The following GAMT variants were observed in gnomAD, a reference collection of about 807,000 sequenced individuals.
The protein encoded by GAMT is epididymis secretory protein Li 20.
In GAMT, 26 loss-of-function variants were observed where a neutral mutation model predicts 26.9. The observed-to-expected ratio is 0.97, with a 90% CI of 0.71 to 1.34. The LOEUF (loss-of-function observed/expected upper bound fraction) is 1.34, where lower values mean the gene tolerates loss of function less well. Among genes scored for constraint, GAMT ranks in the 40% most tolerant of loss-of-function variants. The pLI is 0.00. For missense variants in GAMT, 412 were observed against 345.0 expected, an observed-to-expected ratio of 1.19 and a Z score of -1.54; for synonymous variants, 169 against 149.6, an observed-to-expected ratio of 1.13 and a Z score of -0.95.
intron 1 of GAMT, among the ~76,000 whole-genome samples, chr19:1,401,053 G>A (rs926797279): frequency 6.6e-6 from 1 of 152,204 alleles, no homozygotes; most frequent in Non-Finnish European, 1.5e-5. Flanking sequence ...GGAGAGCGGG[G>A]GGCCTCACTC....
intron 1 of GAMT, among the ~76,000 whole-genome samples, chr19:1,400,746 A>C (rs1369137281): frequency 6.6e-6 from 1 of 152,126 alleles, no homozygotes; most frequent in Non-Finnish European, 1.5e-5. Flanking sequence ...GCCCATTTTC[A>C]GGGTGGGAAC....
Position 1,399,895 on chromosome 19 carries a change from C to T in GAMT, c.225G>A (p.Ala75=), listed in dbSNP as rs202151546. ...LEVGFGMAIA[A]SKVQEAPIDE... ...CAATGGGCGCCTCCTGCACCTTTGA[C>T]GCTGCGATGGCCATGCCAAAGCCCA... The change falls in exon 2 of 6, where the codon GCG becomes GCA. Residue 75 remains alanine, a synonymous_variant. Transcript: ENST00000252288. The surrounding 1 kb of genome is among the most constrained non-coding windows in gnomAD (Gnocchi z 6.2). The T allele has an allele frequency of 1.2e-4, 194 of 1,608,586 alleles. No individual in the cohort carries two copies. In the East Asian group the frequency reaches 3.2e-3, roughly 26 times the overall value.
chr19:1,398,742 C>G, intron 5 of GAMT, 174 bp downstream of exon 5: 1 of 1,546,136 alleles, frequency 6.5e-7, no homozygotes, highest in Non-Finnish European at 8.7e-7. Flanking sequence ...CTGCTCCTGG[C>G]AGCCACTGCG....
At chr19:1,400,237 G>C (rs1311328969) in intron 1 of GAMT, among the ~76,000 whole-genome samples, 2 of 148,536 alleles carry the variant, frequency 1.3e-5, no homozygotes, top group Non-Finnish European at 3.0e-5. Context: ...AGGGGGTGCA[G>C]AGCAGGGCTG....
Position 1,401,531 on chromosome 19 carries a change from C to A in GAMT, c.-55G>T, listed in dbSNP as rs867903705. The A allele has an allele frequency of 8.3e-7, 1 of 1,199,558 alleles. No homozygotes were observed. The highest frequency in any genetic ancestry group is 1.6e-5 in the African/African-American group (1 of 63,140). The allele number at this position is 1,199,558 out of a possible 1,614,324, so 74.3% of individuals were successfully genotyped here. A position where few individuals can be genotyped will look rare whatever the true frequency, so the allele number is the denominator to read the frequency against. On this transcript the variant is annotated 5_prime_UTR_variant, in exon 1 of 6. It adds an upstream start codon to the 5' untranslated region. Transcript: ENST00000252288. ...ATCGCGCGCCGCCCGGGCCCGCTCC[C>A]TGCAGGGGCTTGTGGGCCGGGGGCG...
At position 1,401,532 on chromosome 19, in the gene GAMT, T is replaced by G. The variant is rs1475556222; in HGVS notation, c.-56A>C. The G allele has an allele frequency of 1.7e-6, 2 of 1,184,626 alleles. No homozygotes were observed. The highest frequency in any genetic ancestry group is 3.4e-5 in the South Asian group (1 of 29,370). 73.4% of individuals were successfully genotyped at this position (1,184,626 alleles called of 1,614,324 possible). The stretch of plus-strand genomic sequence containing the variant: ...TCGCGCGCCGCCCGGGCCCGCTCCC[T>G]GCAGGGGCTTGTGGGCCGGGGGCGG... On this transcript the variant is annotated 5_prime_UTR_variant, in exon 1 of 6. Coordinates refer to ENST00000252288, the MANE Select transcript of GAMT (RefSeq NM_000156.6).
rs2144636180 is a variant in GAMT at position 1,398,943 on chromosome 19, C to T, written c.543G>A (p.Lys181=). The change falls in exon 5 of 6, where the codon AAG becomes AAA. Residue 181 remains lysine, a synonymous_variant. Transcript: ENST00000252288. ...LTSWGELMKS[K]YSDITIMFEE... Reference sequence around the variant, plus strand: ...CAAACATGATGGTGATGTCTGAGTACTTGGACTTCATCAGCTCCCCCCAGG... The same window carrying T: ...CAAACATGATGGTGATGTCTGAGTATTTGGACTTCATCAGCTCCCCCCAGG... 2 of 1,613,422 alleles carry T rather than the reference C, an allele frequency of 1.2e-6. No individual in the cohort carries two copies. Among genetic ancestry groups the T allele is most frequent in the South Asian group, 1.1e-5 (1 of 91,090 alleles).
chr19:1,400,867 C>T (rs3786974), intron 1 of GAMT, among the ~76,000 whole-genome samples: 19,527 of 152,214 alleles, frequency 0.13, 2,377 homozygotes, highest in African/African-American at 0.29. Context: ...ACAGCTGTCT[C>T]CCTGAGCTCA....
intron 5 of GAMT, chr19:1,398,280 T>G (rs2082611897): frequency 5.5e-6 from 1 of 181,326 alleles, no homozygotes; most frequent in South Asian, 1.6e-4. Flanking sequence ...GTATTTTTAG[T>G]AGAGATGGGA....
Position 1,399,732 on chromosome 19 carries a change from G to A in GAMT, c.327+61C>T. 3 of 1,532,976 alleles carry A rather than the reference G, an allele frequency of 2.0e-6. No individual in the cohort carries two copies. The highest frequency in any genetic ancestry group is 2.6e-6 in the Non-Finnish European group (3 of 1,140,082). 95.0% of individuals were successfully genotyped at this position (1,532,976 alleles called of 1,614,324 possible). A position where few individuals can be genotyped will look rare whatever the true frequency, so the allele number is the denominator to read the frequency against. On this transcript the variant is annotated intron_variant, in intron 2 of 5. Coordinates refer to ENST00000252288, the MANE Select transcript of GAMT (RefSeq NM_000156.6). This position sits in a 1 kb window ranked among gnomAD's most constrained non-coding sequence, Gnocchi z 6.2. Reference sequence around the variant, plus strand: ...GACAGCCCCAGGCCCCCAACCCCCAGGAAGCAGTGCCCTCACCCCAAGGAG... The same window carrying A: ...GACAGCCCCAGGCCCCCAACCCCCAAGAAGCAGTGCCCTCACCCCAAGGAG...
rs920116948 is a variant in GAMT at position 1,399,314 on chromosome 19, G to A, written c.392-119C>T. ...GAGACGGGGCCGTGGGTAGAGGTGG[G>A]GCTCCCACACAGGCTTGAGAACCCC... On this transcript the variant is annotated intron_variant, in intron 3 of 5. Coordinates refer to ENST00000252288, the MANE Select transcript of GAMT (RefSeq NM_000156.6). The surrounding 1 kb of genome is among the most constrained non-coding windows in gnomAD (Gnocchi z 6.2). 18 of 1,219,502 alleles carry A rather than the reference G, an allele frequency of 1.5e-5. No homozygotes were observed. In the Admixed American group the frequency reaches 1.8e-4, roughly 12 times the overall value. 75.5% of individuals were successfully genotyped at this position (1,219,502 alleles called of 1,614,324 possible).
chr19:1,397,638 C>A, intron 5 of GAMT, 139 bp from the exon 6 acceptor site: 1 of 1,436,702 alleles, frequency 7.0e-7, no homozygotes, highest in Non-Finnish European at 9.4e-7. Context: ...CGTGGCAGGG[C>A]AGCCCTGGAA....
At chr19:1,401,114 C>G (rs978700388) in intron 1 of GAMT, among the ~76,000 whole-genome samples, 182 bp downstream of exon 1, 2 of 152,242 alleles carry the variant, frequency 1.3e-5, no homozygotes, top group African/African-American at 4.8e-5. Context: ...CGTGTGCGGG[C>G]CCCACGCCTG....
chr19:1,398,369 A>G (rs2082612529), intron 5 of GAMT: 1 of 248,610 alleles, frequency 4.0e-6, no homozygotes, highest in Non-Finnish European at 7.7e-6. Flanking sequence ...AAGTGCCGGG[A>G]TCACAGGTGT....
rs556455640 is a variant in GAMT, at chr19:1,398,663, T to C, written c.570+253A>G. 41 of 1,331,856 alleles carry C rather than the reference T, an allele frequency of 3.1e-5. No individual in the cohort carries two copies. In the African/African-American group the frequency reaches 5.8e-4, roughly 19 times the overall value. The allele number at this position is 1,331,856 out of a possible 1,614,324, so 82.5% of individuals were successfully genotyped here. On this transcript the variant is annotated intron_variant, in intron 5 of 5. Coordinates refer to ENST00000252288, the MANE Select transcript of GAMT (RefSeq NM_000156.6). ...CTTGCTCTGTAGCCCAGGCTGGTCT[T>C]GAACTCCTAGGCTCAAGCAATCTGC... is the stretch of plus-strand genomic sequence containing the variant.
At chr19:1,397,525 C>T (rs761097952) in intron 5 of GAMT, 26 bp from the exon 6 acceptor site, 1 of 1,599,766 alleles carries the variant, frequency 6.3e-7, no homozygotes, top group South Asian at 1.1e-5. Context: ...ACCAGGTCAC[C>T]TCTGAGGGCC....
At chr19:1,401,261 G>T in intron 1 of GAMT, 35 bp downstream of exon 1, 1 of 1,399,152 alleles carries the variant, frequency 7.1e-7, no homozygotes, top group African/African-American at 1.5e-5. Context: ...TTTCCCCTGC[G>T]CCCCCGGGGG....
At chr19:1,398,829 A>C in intron 5 of GAMT, 87 bp downstream of exon 5, 1 of 1,576,208 alleles carries the variant, frequency 6.3e-7, no homozygotes, top group Non-Finnish European at 8.6e-7. Flanking sequence ...GACCCTCCCC[A>C]GGTAGCAAGG....
Position 1,401,527 on chromosome 19 carries a change from C to T in GAMT, c.-51G>A. On this transcript the variant is annotated 5_prime_UTR_variant, in exon 1 of 6. Coordinates refer to ENST00000252288, the MANE Select transcript of GAMT (RefSeq NM_000156.6). ...CTCGATCGCGCGCCGCCCGGGCCCG[C>T]TCCCTGCAGGGGCTTGTGGGCCGGG... 8.0e-7 allele frequency: 1 copy of T among 1,250,320 alleles called. No homozygotes were observed. Among genetic ancestry groups the T allele is most frequent in the African/African-American group, 1.6e-5 (1 of 63,742 alleles). The allele number at this position is 1,250,320 out of a possible 1,614,324, so 77.5% of individuals were successfully genotyped here.
Sources: allele counts gnomAD v4.1 joint callset (sites outside exome capture counted in the v4.1 genomes callset), GRCh38; gene constraint gnomAD v4.1.1; non-coding constraint Gnocchi (gnomAD v3.1); transcripts MANE v1.5; gene names NCBI Gene and HGNC (gene_info 2026-07-23, HGNC 2026-07-21).